Variants in PIK3R2 observed in about 807,000 individuals in gnomAD.
PIK3R2 encodes the protein phosphatidylinositol 3-kinase regulatory subunit beta.
PIK3R2 carries 40 observed loss-of-function variants against 78.5 expected under a neutral mutation model. The ratio of observed to expected loss-of-function variants is 0.51; its 90% confidence interval spans 0.40 to 0.66. PIK3R2 has a LOEUF of 0.66. PIK3R2 is among the 30% of genes least tolerant of loss of function. The pLI is 0.00. For synonymous variants in PIK3R2, 473 were observed against 457.7 expected, an observed-to-expected ratio of 1.03 and a Z score of -0.43; for missense variants, 880 against 1,026.6, an observed-to-expected ratio of 0.86 and a Z score of 1.95.
rs1028386412 is a variant in PIK3R2 at position 18,169,758 on chromosome 19, T to G, written c.*464T>G. On this transcript the variant is annotated 3_prime_UTR_variant, in exon 16 of 16. Transcript: ENST00000222254. ...GGGTCAGGGCAGGAAGGAACTTCAC[T>G]CTGCTGCTTCCGAGAACCTCGGCCG... is the stretch of plus-strand genomic sequence containing the variant. 4.9e-6 allele frequency: 1 copy of G among 203,556 alleles called. No homozygotes were observed. The highest frequency in any genetic ancestry group is 2.3e-5 in the African/African-American group (1 of 43,598). 12.6% of individuals were successfully genotyped at this position (203,556 alleles called of 1,614,324 possible).
chr19:18,168,709 A>ACCCCCC lies in PIK3R2; in HGVS notation c.1809-15_1809-14insCCCCCC. 1 of 1,005,334 alleles carries ACCCCCC rather than the reference A, an allele frequency of 9.9e-7. No individual in the cohort carries two copies. Among genetic ancestry groups the ACCCCCC allele is most frequent in the Non-Finnish European group, 1.5e-6 (1 of 651,682 alleles). 62.3% of individuals were successfully genotyped at this position (1,005,334 alleles called of 1,614,324 possible). ...GTGAGTGACCAGGGCCCTCCCCGCC[A>ACCCCCC]CCGCCCCCCACCCCAGCCAGTACGC... is the stretch of plus-strand genomic sequence containing the variant. On this transcript the variant is annotated splice_polypyrimidine_tract_variant and intron_variant, in intron 14 of 15. Transcript: ENST00000222254. This position sits in a 1 kb window ranked among gnomAD's most constrained non-coding sequence, Gnocchi z 4.1.
At position 18,169,611 on chromosome 19, in the gene PIK3R2, T is replaced by G; in HGVS notation, c.*317T>G. 3.7e-6 allele frequency: 1 copy of G among 267,516 alleles called. No homozygotes were observed. Among genetic ancestry groups the G allele is most frequent in the Non-Finnish European group, 7.1e-6 (1 of 140,250 alleles). The allele number at this position is 267,516 out of a possible 1,614,324, so 16.6% of individuals were successfully genotyped here. A position where few individuals can be genotyped will look rare whatever the true frequency, so the allele number is the denominator to read the frequency against. ...CTCTGGTCACCCTGACCCTCTGCCC[T>G]GCCCACCGCAGGTCCCCCGGGGTCC... On this transcript the variant is annotated 3_prime_UTR_variant, in exon 16 of 16. Coordinates refer to ENST00000222254, the MANE Select transcript of PIK3R2 (RefSeq NM_005027.4).
Position 18,161,327 on chromosome 19 carries a change from T to G in PIK3R2, c.647T>G (p.Leu216Arg). 2 of 1,332,478 alleles carry G rather than the reference T, an allele frequency of 1.5e-6. No individual in the cohort carries two copies. The highest frequency in any genetic ancestry group is 9.6e-7 in the Non-Finnish European group (1 of 1,045,956). The allele number at this position is 1,332,478 out of a possible 1,614,324, so 82.5% of individuals were successfully genotyped here. A position where few individuals can be genotyped will look rare whatever the true frequency, so the allele number is the denominator to read the frequency against. The change falls in exon 6 of 16, where the codon CTG (leucine) becomes CGG (arginine). Residue 216 changes from leucine (L) to arginine (R), a missense_variant. Leu to Arg is a moderately radical substitution (Grantham distance 102). Transcript: ENST00000222254. This position sits in a 1 kb window ranked among gnomAD's most constrained non-coding sequence, Gnocchi z 5.3. ...GCGCTGGAGCCACCGACGCTGCCGC[T>G]GCACCGCGCGCTCACGCTGCGCTTC... ...GPALEPPTLPLHRALTLRFLL... is the reference protein window; with the variant it reads ...GPALEPPTLPRHRALTLRFLL...
In PIK3R2 at chr19:18,161,004, TG is replaced by T. The variant is rs1330170398; in HGVS notation, c.466+40del. The stretch of plus-strand genomic sequence containing the variant: ...AGCCTCAATGGGGTTGGGAGGAGGC[TG>T]GGGGCCCCAGTACACATGAGTTGGA... On this transcript the variant is annotated intron_variant, in intron 4 of 15. Transcript: ENST00000222254. This position sits in a 1 kb window ranked among gnomAD's most constrained non-coding sequence, Gnocchi z 5.3. 1.2e-6 allele frequency: 2 copies of T among 1,612,330 alleles called. No individual in the cohort carries two copies. Among genetic ancestry groups the T allele is most frequent in the Non-Finnish European group, 1.7e-6 (2 of 1,179,546 alleles).
chr19:18,156,290 A>T lies in PIK3R2; in HGVS notation c.322+89A>T. On this transcript the variant is annotated intron_variant, in intron 2 of 15. Transcript: ENST00000222254. This position sits in a 1 kb window ranked among gnomAD's most constrained non-coding sequence, Gnocchi z 4.2. ...TGTCCAGTGAGGCAATGGGATCTCC[A>T]AGGAAGGAGGAAAAAGGACATTTGG... The T allele has an allele frequency of 9.5e-7, 1 of 1,054,080 alleles. No individual in the cohort carries two copies. Among genetic ancestry groups the T allele is most frequent in the Admixed American group, 3.2e-5 (1 of 31,626 alleles). 65.3% of individuals were successfully genotyped at this position (1,054,080 alleles called of 1,614,324 possible).
At position 18,167,212 on chromosome 19, in the gene PIK3R2, G is replaced by T; in HGVS notation, c.1642G>T (p.Ala548Ser). ...SRTKLEQQLR[A>S]QASDNREIDK... is the part of the protein sequence containing the mutation. ...CACGAAGCTGGAGCAGCAGCTGCGG[G>T]CCCAGGCCTCGGACAACAGAGAGAT... The change falls in exon 13 of 16, where the codon GCC becomes TCC. Residue 548 changes from alanine (A) to serine (S), a missense_variant. By Grantham distance (99) the Ala-to-Ser change is moderately conservative. This residue lies in a region of PIK3R2 where 268 missense variants were observed against 299.1 expected (regional missense o/e 0.90). Coordinates refer to ENST00000222254, the MANE Select transcript of PIK3R2 (RefSeq NM_005027.4). The surrounding 1 kb of genome is among the most constrained non-coding windows in gnomAD (Gnocchi z 4.5). 6.2e-7 allele frequency: 1 copy of T among 1,611,852 alleles called. No individual in the cohort carries two copies. The highest frequency in any genetic ancestry group is 1.7e-5 in the Admixed American group (1 of 59,718).
Position 18,169,070 on chromosome 19 carries a change from C to T in PIK3R2, c.1980-17C>T. The T allele has an allele frequency of 1.2e-6, 2 of 1,605,270 alleles. No individual in the cohort carries two copies. The highest frequency in any genetic ancestry group is 1.7e-6 in the Non-Finnish European group (2 of 1,176,042). On this transcript the variant is annotated splice_polypyrimidine_tract_variant and intron_variant, in intron 15 of 15. Coordinates refer to ENST00000222254, the MANE Select transcript of PIK3R2 (RefSeq NM_005027.4). ...GGAGGCCAGCCTTCCGACTCCCCCTCTCGTCTGCCCCCACAGAGTGGACGG... is the reference window on the plus strand; with the variant it reads ...GGAGGCCAGCCTTCCGACTCCCCCTTTCGTCTGCCCCCACAGAGTGGACGG...
chr19:18,164,095 C>T (rs1304725832), intron 11 of PIK3R2, among the ~76,000 whole-genome samples: 1 of 152,102 alleles, frequency 6.6e-6, no homozygotes, highest in Non-Finnish European at 1.5e-5. Flanking sequence ...TACTACACTC[C>T]AGCCTGGGTG....
Position 18,163,445 on chromosome 19 carries a change from C to G in PIK3R2, c.1416+57C>G, listed in dbSNP as rs998669034. 37 of 1,602,950 alleles carry G rather than the reference C, an allele frequency of 2.3e-5. No homozygotes were observed. In the South Asian group the frequency reaches 4.1e-4, roughly 18 times the overall value. On this transcript the variant is annotated intron_variant, in intron 11 of 15. Coordinates refer to ENST00000222254, the MANE Select transcript of PIK3R2 (RefSeq NM_005027.4). The stretch of plus-strand genomic sequence containing the variant: ...AGACATAGAGGGGCAGTGGCAAGGC[C>G]GGGAGCAGGATGACCAACCCCAGAG...
intron 15 of PIK3R2, 23 bp from the exon 16 acceptor site, chr19:18,169,063 TC>T (rs746304981): frequency 6.3e-7 from 1 of 1,598,394 alleles, no homozygotes; most frequent in Non-Finnish European, 8.5e-7. Flanking sequence ...GCCTTCCGAC[TC>T]CCCCTCTCGT....
In PIK3R2 at chr19:18,167,168, C is replaced by T. The variant is rs2147957554; in HGVS notation, c.1598C>T (p.Ala533Val). Residue 533 changes from alanine (A) to valine (V), a missense_variant, in exon 13 of 16, where the codon GCC becomes GTC. Around this residue, in one of 3 missense-constraint regions of PIK3R2, gnomAD observed 268 missense variants for 299.1 expected, o/e 0.90. Coordinates refer to ENST00000222254, the MANE Select transcript of PIK3R2 (RefSeq NM_005027.4). This position sits in a 1 kb window ranked among gnomAD's most constrained non-coding sequence, Gnocchi z 4.5. ...LNSERLKSRI[A>V]EIHESRTKLE... is the part of the protein sequence containing the mutation. ...TCCGAGCGGCTCAAGTCCCGCATTGCCGAGATCCATGAGAGCCGCACGAAG... is the reference window on the plus strand; with the variant it reads ...TCCGAGCGGCTCAAGTCCCGCATTGTCGAGATCCATGAGAGCCGCACGAAG... The T allele has an allele frequency of 1.9e-6, 3 of 1,607,792 alleles. No homozygotes were observed. The highest frequency in any genetic ancestry group is 2.5e-6 in the Non-Finnish European group (3 of 1,177,188).
intron 2 of PIK3R2, among the ~76,000 whole-genome samples, chr19:18,157,380 G>A (rs1046911555): frequency 7.3e-5 from 11 of 151,674 alleles, no homozygotes; most frequent in African/African-American, 1.9e-4. Context: ...CACGTGGGGC[G>A]GCTGCCCAGC....
chr19:18,153,705 G>A (rs1442869678), intron 1 of PIK3R2, among the ~76,000 whole-genome samples: 3 of 152,166 alleles, frequency 2.0e-5, no homozygotes, highest in Non-Finnish European at 4.4e-5. Flanking sequence ...ACCCAAGTGC[G>A]CGTCTGTGTG....
intron 2 of PIK3R2, among the ~76,000 whole-genome samples, chr19:18,159,947 T>C (rs2043723788): frequency 6.6e-6 from 1 of 151,812 alleles, no homozygotes; most frequent in Non-Finnish European, 1.5e-5. Context: ...GCCATGTTGG[T>C]CAGGCTGGTT....
rs553879603 is a variant in PIK3R2, at chr19:18,165,204, C to G, written c.1417-956C>G. ...CCAACATGGTGAATCCCTGTCTCTA[C>G]TAAAAATACAAAAAATTAGGCGTCA... On this transcript the variant is annotated intron_variant, in intron 11 of 15. Transcript: ENST00000222254. 5.2e-3 allele frequency among the ~76,000 whole-genome samples: 552 copies of G among 106,864 alleles called. 4 individuals are homozygous for G. The highest frequency in any genetic ancestry group is 0.018 in the African/African-American group (512 of 28,380). 70.1% of individuals were successfully genotyped at this position (106,864 alleles called of 152,430 possible). A position where few individuals can be genotyped will look rare whatever the true frequency, so the allele number is the denominator to read the frequency against.
Position 18,168,420 on chromosome 19 carries a change from TGTGG to T in PIK3R2, c.1737-53_1737-50del. 1 of 762,388 alleles carries T rather than the reference TGTGG, an allele frequency of 1.3e-6. No homozygotes were observed. The highest frequency in any genetic ancestry group is 2.4e-6 in the Non-Finnish European group (1 of 409,210). 47.2% of individuals were successfully genotyped at this position (762,388 alleles called of 1,614,324 possible). A position where few individuals can be genotyped will look rare whatever the true frequency, so the allele number is the denominator to read the frequency against. On this transcript the variant is annotated intron_variant, in intron 13 of 15. Transcript: ENST00000222254. The surrounding 1 kb of genome is among the most constrained non-coding windows in gnomAD (Gnocchi z 4.1). ...CCTGCCTCCCACCGGACAGGCCCACTGTGGGCTCAGCACCCACACAACTGCACAA... is the reference window on the plus strand; with the variant it reads ...CCTGCCTCCCACCGGACAGGCCCACTGCTCAGCACCCACACAACTGCACAA...
Position 18,168,590 on chromosome 19 carries a change from A to AG in PIK3R2, c.1808+49dup, listed in dbSNP as rs1244647826. 3 of 804,734 alleles carry AG rather than the reference A, an allele frequency of 3.7e-6. No homozygotes were observed. The highest frequency in any genetic ancestry group is 6.8e-6 in the Non-Finnish European group (3 of 442,806). 49.8% of individuals were successfully genotyped at this position (804,734 alleles called of 1,614,324 possible). ...GGAGGCAGGGAGGGCTTCCCAGAGG[A>AG]GGGGGCCATTTGGGGTGGGTTTCGA... On this transcript the variant is annotated intron_variant, in intron 14 of 15. Transcript: ENST00000222254. This position sits in a 1 kb window ranked among gnomAD's most constrained non-coding sequence, Gnocchi z 4.1.
In PIK3R2 at chr19:18,168,291, C is replaced by G. The variant is rs946880282; in HGVS notation, c.1737-184C>G. 6.6e-6 allele frequency among the ~76,000 whole-genome samples: 1 copy of G among 152,156 alleles called. No homozygotes were observed. On this transcript the variant is annotated intron_variant, in intron 13 of 15. Transcript: ENST00000222254. This position sits in a 1 kb window ranked among gnomAD's most constrained non-coding sequence, Gnocchi z 4.1. ...TGTGGGTCAGGGTTCCCCAGCAGAG[C>G]TGGGCGAGCCACCCTGGGTTCAGGC... is the stretch of plus-strand genomic sequence containing the variant.
At position 18,162,677 on chromosome 19, in the gene PIK3R2, A is replaced by G. The variant is rs949702730; in HGVS notation, c.1109+171A>G. 32 of 630,158 alleles carry G rather than the reference A, an allele frequency of 5.1e-5. No homozygotes were observed. In the South Asian group the frequency reaches 6.1e-4, roughly 12 times the overall value. The allele number at this position is 630,158 out of a possible 1,614,324, so 39.0% of individuals were successfully genotyped here. Reference sequence around the variant, plus strand: ...GGCTGGCAGAACACCTGAGGTCAGGAGTTTAAAACCAGCCTGGCCAACATG... The same window carrying G: ...GGCTGGCAGAACACCTGAGGTCAGGGGTTTAAAACCAGCCTGGCCAACATG... On this transcript the variant is annotated intron_variant, in intron 9 of 15. Coordinates refer to ENST00000222254, the MANE Select transcript of PIK3R2 (RefSeq NM_005027.4).
Sources: gnomAD v4.1 joint callset for allele counts (sites outside exome capture counted in the v4.1 genomes callset) on GRCh38, gnomAD v4.1.1 for gene constraint, gnomAD v4.1.1 regional missense constraint, Gnocchi (gnomAD v3.1) non-coding constraint, MANE v1.5 for transcripts, NCBI Gene and HGNC (gene_info 2026-07-23, HGNC 2026-07-21) for gene names.